Variants in OSBPL10 observed in about 807,000 individuals in gnomAD.
OSBPL10 encodes oxysterol binding protein like 10.
OSBPL10 carries 49 observed loss-of-function variants against 81.7 expected under a neutral mutation model. The observed-to-expected ratio is 0.60, with a 90% CI of 0.48 to 0.76. The LOEUF is 0.76. Among genes scored for constraint, OSBPL10 ranks in the 30% least tolerant of loss-of-function variants. The pLI is 0.00. For missense variants in OSBPL10, 923 were observed against 987.8 expected (o/e 0.93, Z 0.88); for synonymous variants, 419 against 383.6 (o/e 1.09, Z -1.08).
intron 1 of OSBPL10, among the ~76,000 whole-genome samples, chr3:31,946,153 G>C (rs1466112766): frequency 6.6e-6 from 1 of 151,874 alleles, no homozygotes; most frequent in Non-Finnish European, 1.5e-5. Context: ...GCTAATTTTT[G>C]TATTTTTAGT....
chr3:31,905,380 C>T (rs570051997), intron 1 of OSBPL10, among the ~76,000 whole-genome samples: 3 of 105,402 alleles, frequency 2.8e-5, no homozygotes, highest in East Asian at 3.8e-4. Flanking sequence ...GACGGACTCC[C>T]GTTCTGTCAC....
At chr3:31,686,032 C>T (rs570730279) in intron 7 of OSBPL10, among the ~76,000 whole-genome samples, 9 of 152,226 alleles carry the variant, frequency 5.9e-5, no homozygotes, top group African/African-American at 1.9e-4. Context: ...AATTAGGGAC[C>T]GCAAGAGCAT....
intron 4 of OSBPL10, among the ~76,000 whole-genome samples, chr3:31,816,185 G>A (rs1461825134): frequency 6.6e-6 from 1 of 152,194 alleles, no homozygotes; most frequent in African/African-American, 2.4e-5. Flanking sequence ...AGAGCGGGTA[G>A]GTCTACGTGG....
intron 6 of OSBPL10, among the ~76,000 whole-genome samples, chr3:31,719,746 C>T (rs1397840833): frequency 6.6e-6 from 1 of 152,018 alleles, no homozygotes; most frequent in East Asian, 1.9e-4. Flanking sequence ...AGATATATTT[C>T]TGTAAGTGTA....
chr3:31,715,404 T>C (rs1197656557), intron 6 of OSBPL10, among the ~76,000 whole-genome samples: 17 of 152,206 alleles, frequency 1.1e-4, no homozygotes, highest in Admixed American at 1.1e-3. Flanking sequence ...AAGAACAGCA[T>C]TGGCACCATG....
intron 8 of OSBPL10, among the ~76,000 whole-genome samples, chr3:31,676,274 T>C (rs1700472614): frequency 6.6e-6 from 1 of 151,280 alleles, no homozygotes; most frequent in South Asian, 2.1e-4. Context: ...CTCTTTTTTT[T>C]CAGGGTTGCA....
intron 1 of OSBPL10, among the ~76,000 whole-genome samples, chr3:31,891,069 T>C (rs1259540594): frequency 6.6e-6 from 1 of 152,086 alleles, no homozygotes; most frequent in African/African-American, 2.4e-5. Flanking sequence ...ACAAGCCCCA[T>C]GGCTCAGCTT....
chr3:31,689,921 C>A (rs575717272), intron 7 of OSBPL10, among the ~76,000 whole-genome samples: 1 of 151,548 alleles, frequency 6.6e-6, no homozygotes, highest in Admixed American at 6.6e-5. Context: ...TGTATGTGTA[C>A]GGAAAAAGTT....
intron 1 of OSBPL10, among the ~76,000 whole-genome samples, chr3:31,974,894 A>G (rs1324050899): frequency 6.6e-6 from 1 of 152,204 alleles, no homozygotes; most frequent in Non-Finnish European, 1.5e-5. Context: ...ACTCAGTTAG[A>G]CAGATGACGT....
chr3:31,919,453 A>G (rs982149322), intron 1 of OSBPL10: 1 of 152,218 alleles, frequency 6.6e-6, no homozygotes, highest in Non-Finnish European at 1.5e-5. Context: ...GGGCTGGAGC[A>G]AAGACTGGAA....
At position 31,921,493 on chromosome 3, in the gene OSBPL10, G is replaced by A. The variant is rs183537077; in HGVS notation, c.282-41663C>T. ...TGTCAAAGTGATGCAGGAGCCAAGT[G>A]AAAGAGCCTCCGATGGCCAACAAAA... On this transcript the variant is annotated intron_variant, in intron 1 of 11. Coordinates refer to ENST00000396556, the MANE Select transcript of OSBPL10 (RefSeq NM_017784.5). Among the ~76,000 whole-genome samples, 369 of 152,264 alleles carry A rather than the reference G, an allele frequency of 2.4e-3. 3 individuals carry two copies. The highest frequency in any genetic ancestry group is 8.4e-3 in the African/African-American group (350 of 41,540).
chr3:31,856,932 T>C (rs1195176517), intron 3 of OSBPL10, among the ~76,000 whole-genome samples: 2 of 152,156 alleles, frequency 1.3e-5, no homozygotes, highest in Non-Finnish European at 2.9e-5. Context: ...AAAAATTAGC[T>C]GGGCATGGTG....
At chr3:31,923,449 C>T (rs949834963) in intron 1 of OSBPL10, among the ~76,000 whole-genome samples, 1 of 152,068 alleles carries the variant, frequency 6.6e-6, no homozygotes, top group Non-Finnish European at 1.5e-5. Context: ...TCAGACCAAC[C>T]AAAAAACTGC....
intron 4 of OSBPL10, among the ~76,000 whole-genome samples, chr3:31,800,118 G>A (rs1575553293): frequency 6.6e-6 from 1 of 152,190 alleles, no homozygotes; most frequent in East Asian, 1.9e-4. Context: ...TCTTAGCAAT[G>A]GTCCAACTTC....
At chr3:31,692,908 T>C (rs1188259016) in intron 7 of OSBPL10, among the ~76,000 whole-genome samples, 6 of 152,212 alleles carry the variant, frequency 3.9e-5, no homozygotes, top group Non-Finnish European at 8.8e-5. Context: ...TCACTCTTTC[T>C]AGAAGTGTGG....
chr3:31,669,996 C>T (rs1193325898), intron 9 of OSBPL10, among the ~76,000 whole-genome samples: 1 of 152,224 alleles, frequency 6.6e-6, no homozygotes, highest in Non-Finnish European at 1.5e-5. Flanking sequence ...AAAGGGAAGA[C>T]ACCTGATCTG....
At chr3:31,885,315 A>C (rs4478116) in intron 1 of OSBPL10, among the ~76,000 whole-genome samples, 23,162 of 152,036 alleles carry the variant, frequency 0.15, 2,208 homozygotes, top group African/African-American at 0.25. Flanking sequence ...AAACTCATGC[A>C]CACTTGCACA....
intron 5 of OSBPL10, among the ~76,000 whole-genome samples, chr3:31,744,173 G>T (rs1697445894): frequency 6.6e-6 from 1 of 152,198 alleles, no homozygotes; most frequent in Non-Finnish European, 1.5e-5. Context: ...AGGAAACAAA[G>T]TAGTGATCGT....
intron 3 of OSBPL10, among the ~76,000 whole-genome samples, chr3:31,852,615 G>C (rs1320560504): frequency 6.6e-6 from 1 of 151,720 alleles, no homozygotes; most frequent in Non-Finnish European, 1.5e-5. Flanking sequence ...TTTCGCTCCC[G>C]TCACCCAGGC....
Sources: allele counts gnomAD v4.1 joint callset (sites outside exome capture counted in the v4.1 genomes callset), GRCh38; gene constraint gnomAD v4.1.1; transcripts MANE v1.5; gene names NCBI Gene and HGNC (gene_info 2026-07-23, HGNC 2026-07-21).